Variants in SEC24D observed in about 807,000 individuals in gnomAD.
The protein encoded by SEC24D is SEC24 homolog D, COPII component.
SEC24D carries 69 observed loss-of-function variants against 116.9 expected under a neutral mutation model. The observed-to-expected ratio is 0.59, with a 90% CI of 0.49 to 0.72. The LOEUF is 0.72. SEC24D is among the 30% of genes least tolerant of loss of function. The pLI, the probability that SEC24D is intolerant of heterozygous loss-of-function variation, is 0.00. For synonymous variants in SEC24D, 405 were observed against 442.8 expected (o/e 0.91, Z 1.07); for missense variants, 1,131 against 1,264.1 (o/e 0.89, Z 1.60).
Position 118,757,802 on chromosome 4 carries a change from T to A in SEC24D, c.1340A>T (p.Asp447Val), listed in dbSNP as rs1727177838. ...PNPPAFIFMI[D>V]VSYSNIKNGL... The stretch of plus-strand genomic sequence containing the variant: ...ATTCTTTATGTTACTATATGAAACA[T>A]CAATCATGAAGATAAAGGCTGGTGG... The change falls in exon 11 of 23, where the codon GAT becomes GTT. Residue 447 changes from aspartate to valine, a missense_variant. Transcript: ENST00000280551. 1 of 1,612,076 alleles carries A rather than the reference T, an allele frequency of 6.2e-7. No individual in the cohort carries two copies. The highest frequency in any genetic ancestry group is 8.5e-7 in the Non-Finnish European group (1 of 1,178,874).
chr4:118,813,204 G>A (rs1432218413), intron 6 of SEC24D, among the ~76,000 whole-genome samples: 5 of 152,318 alleles, frequency 3.3e-5, no homozygotes, highest in Non-Finnish European at 5.9e-5. Context: ...AGGACTCAAT[G>A]TGACCACAGA....
At chr4:118,806,037 C>G (rs1475758367) in intron 6 of SEC24D, 83 bp from the exon 7 acceptor site, 1 of 817,214 alleles carries the variant, frequency 1.2e-6, no homozygotes, top group African/African-American at 1.8e-5. Context: ...CTTGCTCTCT[C>G]CTCCCTCCTT....
chr4:118,760,842 G>C (rs1437919146), intron 10 of SEC24D, among the ~76,000 whole-genome samples: 1 of 151,654 alleles, frequency 6.6e-6, no homozygotes, highest in Non-Finnish European at 1.5e-5. Context: ...CAAGTAGCTG[G>C]GATTACAGGT....
At chr4:118,804,885 T>TACACACACAC (rs71954957) in intron 7 of SEC24D, among the ~76,000 whole-genome samples, 1,469 of 140,958 alleles carry the variant, frequency 0.01, 19 homozygotes, top group African/African-American at 0.021. Context: ...TATGCATGCA[T>TACACACACAC]ACACACACAC....
chr4:118,738,426 T>G (rs1478039972), intron 18 of SEC24D, 47 bp from the exon 19 acceptor site: 4 of 1,234,522 alleles, frequency 3.2e-6, no homozygotes, highest in Non-Finnish European at 4.8e-6. Context: ...GCTCAGACAC[T>G]GATCTCTTCA....
chr4:118,777,435 G>A (rs766533586), intron 8 of SEC24D, among the ~76,000 whole-genome samples: 3 of 152,146 alleles, frequency 2.0e-5, no homozygotes, highest in Non-Finnish European at 4.4e-5. Context: ...ACCCTAAAAA[G>A]GACATAAACT....
chr4:118,735,673 A>G (rs1444918991), intron 19 of SEC24D: 3 of 150,456 alleles, frequency 2.0e-5, no homozygotes, highest in African/African-American at 7.3e-5. Context: ...TGTAAGCCTT[A>G]TAAGCCTTAA....
chr4:118,764,992 A>T, intron 9 of SEC24D, 75 bp from the exon 10 acceptor site: 1 of 834,150 alleles, frequency 1.2e-6, no homozygotes, highest in Non-Finnish European at 2.0e-6. Context: ...CTCAAAATTT[A>T]TTATGAGAGG....
chr4:118,735,634 G>C (rs1725919341), intron 19 of SEC24D: 1 of 150,682 alleles, frequency 6.6e-6, no homozygotes, highest in Admixed American at 6.6e-5. Context: ...TGAGATATTA[G>C]ATTTAATTAA....
intron 7 of SEC24D, among the ~76,000 whole-genome samples, chr4:118,798,051 A>G (rs1281413840): frequency 6.6e-6 from 1 of 152,250 alleles, no homozygotes; most frequent in Non-Finnish European, 1.5e-5. Context: ...GATATAAAAG[A>G]AGTATCTTAG....
At chr4:118,795,989 GAGTATTT>G (rs1401808265) in intron 8 of SEC24D, among the ~76,000 whole-genome samples, 4 of 152,114 alleles carry the variant, frequency 2.6e-5, no homozygotes, top group African/African-American at 9.7e-5. Context: ...ATGCATTCTG[GAGTATTT>G]AGTATTTAGT....
intron 19 of SEC24D, among the ~76,000 whole-genome samples, chr4:118,736,762 T>C (rs1725983292): frequency 6.6e-6 from 1 of 152,218 alleles, no homozygotes; most frequent in Non-Finnish European, 1.5e-5. Flanking sequence ...TGAAAAGTGC[T>C]AATGGAAAAA....
intron 10 of SEC24D, among the ~76,000 whole-genome samples, chr4:118,761,923 T>C (rs1391216118): frequency 1.3e-5 from 2 of 152,242 alleles, no homozygotes; most frequent in African/African-American, 4.8e-5. Context: ...TTTGAGTTTA[T>C]ATGAAAACTA....
At chr4:118,737,632 CAT>C (rs908734226) in intron 19 of SEC24D, among the ~76,000 whole-genome samples, 3 of 152,074 alleles carry the variant, frequency 2.0e-5, no homozygotes, top group Non-Finnish European at 4.4e-5. Context: ...CTTTTATTGA[CAT>C]AGAGAAGAAT....
chr4:118,771,237 A>AT (rs1727887422), intron 8 of SEC24D, among the ~76,000 whole-genome samples: 2 of 152,202 alleles, frequency 1.3e-5, no homozygotes, highest in Non-Finnish European at 1.5e-5. Flanking sequence ...TACCAAGGGA[A>AT]TTATATTTAC....
intron 8 of SEC24D, among the ~76,000 whole-genome samples, chr4:118,789,820 G>A (rs547665310): frequency 2.0e-5 from 3 of 152,228 alleles, no homozygotes; most frequent in East Asian, 1.9e-4. Context: ...TCCTGACCTC[G>A]TGATCCACCC....
Position 118,723,399 on chromosome 4 carries a change from A to G in SEC24D, c.*116T>C, listed in dbSNP as rs187212597. ...TTCTAAATGCCATCTCTTCCTGGAA[A>G]GTTATTCTGAAAATGAGCAAGAAAT... On this transcript the variant is annotated 3_prime_UTR_variant, in exon 23 of 23. Transcript: ENST00000280551. The G allele has an allele frequency of 2.9e-5, 31 of 1,086,480 alleles. No individual in the cohort carries two copies. Among genetic ancestry groups the G allele is most frequent in the Admixed American group, 1.5e-4 (6 of 40,310 alleles). 67.3% of individuals were successfully genotyped at this position (1,086,480 alleles called of 1,614,324 possible).
chr4:118,727,077 G>A (rs999563889), intron 22 of SEC24D, among the ~76,000 whole-genome samples: 2 of 152,162 alleles, frequency 1.3e-5, no homozygotes, highest in Admixed American at 6.5e-5. Flanking sequence ...TGTGAGACCC[G>A]GACCAAGCTA....
intron 8 of SEC24D, among the ~76,000 whole-genome samples, chr4:118,791,760 G>A (rs951016256): frequency 5.3e-5 from 8 of 152,176 alleles, no homozygotes; most frequent in African/African-American, 1.9e-4. Flanking sequence ...TCCTGACCGC[G>A]AGTGACCTGC....
Sources: gnomAD v4.1 joint callset for allele counts (sites outside exome capture counted in the v4.1 genomes callset) on GRCh38, gnomAD v4.1.1 for gene constraint, MANE v1.5 for transcripts, NCBI Gene and HGNC (gene_info 2026-07-23, HGNC 2026-07-21) for gene names.